Variants in WDFY4 observed in about 807,000 individuals in gnomAD.
WDFY4 encodes the protein WDFY family member 4.
A neutral mutation model predicts 351.9 loss-of-function variants in WDFY4; 169 were observed. The observed-to-expected ratio is 0.48, with a 90% CI of 0.42 to 0.55. WDFY4 has a LOEUF of 0.55. WDFY4 is among the 20% of genes least tolerant of loss of function. WDFY4 has a pLI of 0.00. For missense variants in WDFY4, 3,803 were observed against 3,935.6 expected, an observed-to-expected ratio of 0.97 and a Z score of 0.90; for synonymous variants, 1,622 against 1,574.6, an observed-to-expected ratio of 1.03 and a Z score of -0.71.
At chr10:48,970,598 A>G (rs1266519551) in intron 57 of WDFY4, among the ~76,000 whole-genome samples, 1 of 152,200 alleles carries the variant, frequency 6.6e-6, no homozygotes, top group Non-Finnish European at 1.5e-5. Context: ...CAGTCACTTC[A>G]TGCACATGAC....
chr10:48,975,692 T>C (rs1317894), intron 58 of WDFY4, among the ~76,000 whole-genome samples: 126,768 of 152,062 alleles, frequency 0.83, 54,645 homozygotes, highest in East Asian at 0.98. Flanking sequence ...CAATGTTAGA[T>C]GAGTAGATGG....
rs1052214191 is a variant in WDFY4, at chr10:48,977,100, C to T, written c.9291+121C>T. On this transcript the variant is annotated intron_variant, in intron 59 of 61. Transcript: ENST00000325239. ...ATTTGAGACCATTCCAGAACGGGTA[C>T]CTACAGCAAAGGAAGGGAAAAGACA... The T allele has an allele frequency of 4.0e-6, 4 of 1,009,326 alleles. No individual in the cohort carries two copies. In the African/African-American group the frequency reaches 5.0e-5, roughly 13 times the overall value. The allele number at this position is 1,009,326 out of a possible 1,614,324, so 62.5% of individuals were successfully genotyped here.
intron 32 of WDFY4, among the ~76,000 whole-genome samples, chr10:48,818,025 G>C (rs545472979): frequency 6.6e-6 from 1 of 152,226 alleles, no homozygotes; most frequent in African/African-American, 2.4e-5. Flanking sequence ...GCTTGGCTGG[G>C]TCAGGGCCGT....
chr10:48,906,370 C>CTA (rs762229385), intron 47 of WDFY4, among the ~76,000 whole-genome samples: 2 of 152,146 alleles, frequency 1.3e-5, no homozygotes, highest in African/African-American at 4.8e-5. Context: ...GCCTCCATAA[C>CTA]TATATATATG....
At chr10:48,952,137 T>C (rs1017650582) in intron 51 of WDFY4, among the ~76,000 whole-genome samples, 1 of 152,158 alleles carries the variant, frequency 6.6e-6, no homozygotes, top group Non-Finnish European at 1.5e-5. Flanking sequence ...AGTGCCAGGA[T>C]TCTTGGTGGA....
rs151301944 is a variant in WDFY4 at position 48,711,695 on chromosome 10, G to A, written c.234+1729G>A. Among the ~76,000 whole-genome samples, 298 of 152,334 alleles carry A rather than the reference G, an allele frequency of 2.0e-3. 2 individuals are homozygous for A. The highest frequency in any genetic ancestry group is 6.8e-3 in the African/African-American group (282 of 41,574). On this transcript the variant is annotated intron_variant, in intron 2 of 61. Transcript: ENST00000325239. ...CTGCTCTAAGGCCTGAAATATAGGAGTAAAGAAGACAGAGGTGACACACCA... is the reference window on the plus strand; with the variant it reads ...CTGCTCTAAGGCCTGAAATATAGGAATAAAGAAGACAGAGGTGACACACCA...
At chr10:48,817,159 T>A (rs1349834061) in intron 31 of WDFY4, 86 bp from the exon 32 acceptor site, 8 of 1,440,084 alleles carry the variant, frequency 5.6e-6, no homozygotes, top group Non-Finnish European at 7.5e-6. Context: ...CAGGAAGGAA[T>A]CTTCTCCCTA....
In WDFY4 at chr10:48,776,746, C is replaced by G; in HGVS notation, c.2864-4C>G. On this transcript the variant is annotated splice_region_variant and splice_polypyrimidine_tract_variant and intron_variant, in intron 15 of 61. Coordinates refer to ENST00000325239, the MANE Select transcript of WDFY4 (RefSeq NM_001394531.1). ...CACATCTCTTCTCTTGCTTGCTGCCCTAGGGTCACAGACTGCACAGGGCTT... is the reference window on the plus strand; with the variant it reads ...CACATCTCTTCTCTTGCTTGCTGCCGTAGGGTCACAGACTGCACAGGGCTT... 1 of 1,530,306 alleles carries G rather than the reference C, an allele frequency of 6.5e-7. No homozygotes were observed. The highest frequency in any genetic ancestry group is 8.8e-7 in the Non-Finnish European group (1 of 1,136,278). The allele number at this position is 1,530,306 out of a possible 1,614,324, so 94.8% of individuals were successfully genotyped here. A position where few individuals can be genotyped will look rare whatever the true frequency, so the allele number is the denominator to read the frequency against.
At chr10:48,822,732 C>A (rs2067866131) in intron 35 of WDFY4, among the ~76,000 whole-genome samples, 195 bp downstream of exon 35, 2 of 152,338 alleles carry the variant, frequency 1.3e-5, no homozygotes, top group South Asian at 2.1e-4. Context: ...TCACCTCAGG[C>A]CCCCTGAGCC....
intron 55 of WDFY4, 125 bp downstream of exon 55, chr10:48,966,798 G>C: frequency 1.5e-6 from 2 of 1,294,046 alleles, no homozygotes; most frequent in Non-Finnish European, 2.1e-6. Flanking sequence ...TTGAATGGCT[G>C]CATCTCCAGT....
At chr10:48,979,834 C>T (rs1342528415) in intron 60 of WDFY4, 1 of 152,218 alleles carries the variant, frequency 6.6e-6, no homozygotes, top group Admixed American at 6.5e-5. Context: ...AGACCCAACT[C>T]TGTCACAGCA....
Position 48,728,107 on chromosome 10 carries a change from G to A in WDFY4, c.971+448G>A, listed in dbSNP as rs866634150. ...GGGCTTGCTCTGCATGGCCTCCAGA[G>A]CTCCCCAGAAGGATTAGCTCCAGTG... On this transcript the variant is annotated intron_variant, in intron 7 of 61. Coordinates refer to ENST00000325239, the MANE Select transcript of WDFY4 (RefSeq NM_001394531.1). Among the ~76,000 whole-genome samples, 7 of 152,338 alleles carry A rather than the reference G, an allele frequency of 4.6e-5. 1 individual carries two copies. The South Asian group carries it at 1.2e-3, about 27-fold the overall frequency.
chr10:48,849,506 A>G (rs1382955791), intron 39 of WDFY4, among the ~76,000 whole-genome samples: 1 of 152,230 alleles, frequency 6.6e-6, no homozygotes, highest in Non-Finnish European at 1.5e-5. Flanking sequence ...ATTTAATACA[A>G]CGAGCTGTTG....
At chr10:48,931,171 G>A (rs1047996335) in intron 47 of WDFY4, among the ~76,000 whole-genome samples, 5 of 151,968 alleles carry the variant, frequency 3.3e-5, no homozygotes, top group Non-Finnish European at 7.4e-5. Context: ...GGTGGTGGTG[G>A]GAGTTATTCA....
intron 1 of WDFY4, among the ~76,000 whole-genome samples, chr10:48,699,920 G>C (rs1167329516): frequency 2.0e-5 from 3 of 152,140 alleles, no homozygotes; most frequent in Admixed American, 1.3e-4. Flanking sequence ...TGAACCAGCT[G>C]CCTCCTCACC....
intron 57 of WDFY4, among the ~76,000 whole-genome samples, chr10:48,970,760 A>G (rs998226312): frequency 1.3e-5 from 2 of 152,182 alleles, no homozygotes; most frequent in African/African-American, 2.4e-5. Flanking sequence ...CCCCTACTTT[A>G]TTGGTGAAGG....
At chr10:48,707,002 G>T (rs2063648687) in intron 1 of WDFY4, among the ~76,000 whole-genome samples, 1 of 152,108 alleles carries the variant, frequency 6.6e-6, no homozygotes, top group Non-Finnish European at 1.5e-5. Flanking sequence ...TTAAAAAATG[G>T]ATTGAGAGAA....
chr10:48,699,051 C>T (rs772245107), intron 1 of WDFY4, among the ~76,000 whole-genome samples: 2 of 152,220 alleles, frequency 1.3e-5, no homozygotes, highest in Non-Finnish European at 2.9e-5. Flanking sequence ...CTACAGGGCT[C>T]ACAGCCCCTG....
At chr10:48,885,213 G>A (rs2070406326) in intron 43 of WDFY4, among the ~76,000 whole-genome samples, 1 of 152,136 alleles carries the variant, frequency 6.6e-6, no homozygotes, top group African/African-American at 2.4e-5. Context: ...TGAAACTTCT[G>A]GGGATGTAGC....
Sources: allele counts gnomAD v4.1 joint callset (sites outside exome capture counted in the v4.1 genomes callset), GRCh38; gene constraint gnomAD v4.1.1; transcripts MANE v1.5; gene names NCBI Gene and HGNC (gene_info 2026-07-23, HGNC 2026-07-21).